ZHX3: variants seen among roughly 807,000 people sequenced by gnomAD.
ZHX3 encodes the protein zinc fingers and homeoboxes protein 3.
In ZHX3, 20 loss-of-function variants were observed where a neutral mutation model predicts 64.5. The observed-to-expected ratio is 0.31, with a 90% CI of 0.22 to 0.45. The LOEUF (loss-of-function observed/expected upper bound fraction) is 0.45, where lower values mean the gene tolerates loss of function less well. Among genes scored for constraint, ZHX3 ranks in the 20% least tolerant of loss-of-function variants. The probability of loss-of-function intolerance (pLI) is 1.00; values close to 1 mark genes in which losing one functional copy is unlikely to be tolerated. For missense variants in ZHX3, 1,041 were observed against 1,195.8 expected, an observed-to-expected ratio of 0.87 and a Z score of 1.91; for synonymous variants, 423 against 461.6, an observed-to-expected ratio of 0.92 and a Z score of 1.07.
chr20:41,262,542 C>CCTCT, intron 2 of ZHX3, among the ~76,000 whole-genome samples: 1 of 152,302 alleles, frequency 6.6e-6, no homozygotes, highest in East Asian at 1.9e-4. Flanking sequence ...AACACCACTC[C>CCTCT]CTCTCTCTTT....
intron 1 of ZHX3, among the ~76,000 whole-genome samples, chr20:41,312,579 A>G (rs561488712): frequency 6.6e-6 from 1 of 152,330 alleles, no homozygotes; most frequent in Non-Finnish European, 1.5e-5. Context: ...ATAAATGCAC[A>G]TGTGCTGAGA....
rs1246845658 is a variant in ZHX3 at position 41,195,830 on chromosome 20, T to C, written c.2860+6227A>G. Among the ~76,000 whole-genome samples the C allele has an allele frequency of 2.0e-5, 3 of 152,354 alleles. No individual in the cohort carries two copies. The highest frequency in any genetic ancestry group is 3.9e-4 in the East Asian group (2 of 5,180). On this transcript the variant is annotated intron_variant, in intron 3 of 3. Transcript: ENST00000683867. This position sits in a 1 kb window ranked among gnomAD's most constrained non-coding sequence, Gnocchi z 4.2. ...TTTTCATTTGTCTCAAGGTATTTTT[T>C]ACTTTCCCTTATGATTTCTTTGACC...
chr20:41,283,883 T>G (rs757467752), intron 1 of ZHX3, among the ~76,000 whole-genome samples: 1 of 152,172 alleles, frequency 6.6e-6, no homozygotes, highest in Non-Finnish European at 1.5e-5. Flanking sequence ...AATGGATAAT[T>G]ACTTTCAAAA....
chr20:41,305,895 C>T (rs1383475953), intron 1 of ZHX3, among the ~76,000 whole-genome samples: 1 of 152,112 alleles, frequency 6.6e-6, no homozygotes, highest in African/African-American at 2.4e-5. Context: ...TAATCTTCTA[C>T]TATTTACAAA....
At chr20:41,192,153 C>T (rs1443757370) in intron 3 of ZHX3, among the ~76,000 whole-genome samples, 1 of 152,114 alleles carries the variant, frequency 6.6e-6, no homozygotes, top group Non-Finnish European at 1.5e-5. Flanking sequence ...GGCTGGGCGG[C>T]CCATTCTGCA....
intron 1 of ZHX3, among the ~76,000 whole-genome samples, chr20:41,284,132 T>C (rs1186399444): frequency 1.3e-5 from 2 of 152,184 alleles, no homozygotes; most frequent in African/African-American, 4.8e-5. Flanking sequence ...AATGTTTCAA[T>C]TACCAAATAA....
At chr20:41,263,267 T>C (rs1042690634) in intron 2 of ZHX3, among the ~76,000 whole-genome samples, 1 of 152,104 alleles carries the variant, frequency 6.6e-6, no homozygotes, top group Non-Finnish European at 1.5e-5. Context: ...ACAAAATCAT[T>C]ACATAAGAAA....
chr20:41,252,126 T>G (rs2042023119), intron 2 of ZHX3, among the ~76,000 whole-genome samples: 1 of 152,116 alleles, frequency 6.6e-6, no homozygotes, highest in Non-Finnish European at 1.5e-5. Context: ...TACTGGTGAG[T>G]TGGCTGTCTA....
chr20:41,268,178 A>G (rs530991138), intron 2 of ZHX3, among the ~76,000 whole-genome samples: 1 of 152,318 alleles, frequency 6.6e-6, no homozygotes, highest in African/African-American at 2.4e-5. Context: ...GAAGTTGTAC[A>G]GAACTTCCAG....
intron 1 of ZHX3, among the ~76,000 whole-genome samples, chr20:41,280,883 T>C (rs186654193): frequency 4.9e-4 from 60 of 121,420 alleles, no homozygotes; most frequent in African/African-American, 1.7e-3. Flanking sequence ...TGTCTAACCC[T>C]TTTTTTTTTT....
chr20:41,204,831 G>A lies in ZHX3; in HGVS notation c.86C>T (p.Pro29Leu), dbSNP rs561541023. Residue 29 changes from proline (P) to leucine (L), a missense_variant, in exon 3 of 4, where the codon CCC (proline) becomes CTC (leucine). Around this residue, in one of 4 missense-constraint regions of ZHX3, gnomAD observed 358 missense variants for 369.1 expected, o/e 0.97. Transcript: ENST00000683867. The surrounding 1 kb of genome is among the most constrained non-coding windows in gnomAD (Gnocchi z 6.6). ...VLQDASMEAQ[P>L]AETLPEGPQQ... ...GGGTCCTTCAGGCAAGGTCTCAGCGGGCTGGGCCTCCATGCTGGCATCTTG... is the reference window on the plus strand; with the variant it reads ...GGGTCCTTCAGGCAAGGTCTCAGCGAGCTGGGCCTCCATGCTGGCATCTTG... 209 of 1,605,380 alleles carry A rather than the reference G, an allele frequency of 1.3e-4. No individual in the cohort carries two copies. In the South Asian group the frequency reaches 2.2e-3, roughly 17 times the overall value.
At position 41,204,170 on chromosome 20, in the gene ZHX3, G is replaced by A. The variant is rs201454849; in HGVS notation, c.747C>T (p.Asn249=). The A allele has an allele frequency of 1.2e-6, 2 of 1,609,008 alleles. No homozygotes were observed. Among genetic ancestry groups the A allele is most frequent in the Non-Finnish European group, 1.7e-6 (2 of 1,177,460 alleles). Residue 249 remains asparagine (N), a synonymous_variant, in exon 3 of 4, where the codon AAC becomes AAT. Transcript: ENST00000683867. This position sits in a 1 kb window ranked among gnomAD's most constrained non-coding sequence, Gnocchi z 6.6. ...VSQASASSAK[N]PHAANGPLIG... The stretch of plus-strand genomic sequence containing the variant: ...TCAGGGGCCCGTTGGCGGCATGGGG[G>A]TTTTTTGCAGAGCTGGCAGATGCCT...
In ZHX3 at chr20:41,184,592, G is replaced by A. The variant is rs2146095725; in HGVS notation, c.*599C>T. On this transcript the variant is annotated 3_prime_UTR_variant, in exon 4 of 4. Transcript: ENST00000683867. Reference sequence around the variant, plus strand: ...GCAAGCCTGACATGAAACGTAGCCGGTCATCACTTAATGCAGCAGAGATCT... The same window carrying A: ...GCAAGCCTGACATGAAACGTAGCCGATCATCACTTAATGCAGCAGAGATCT... 1 of 317,716 alleles carries A rather than the reference G, an allele frequency of 3.1e-6. No individual in the cohort carries two copies. The highest frequency in any genetic ancestry group is 5.8e-6 in the Non-Finnish European group (1 of 171,022). 19.7% of individuals were successfully genotyped at this position (317,716 alleles called of 1,614,324 possible).
chr20:41,191,622 T>TA (rs774760351), intron 3 of ZHX3, among the ~76,000 whole-genome samples: 3 of 152,250 alleles, frequency 2.0e-5, no homozygotes, highest in Non-Finnish European at 2.9e-5. Context: ...GTGTAACAGT[T>TA]GTTTCTTCTA....
rs1600835091 is a variant in ZHX3, at chr20:41,224,883, T to C, written c.-150-19817A>G. Among the ~76,000 whole-genome samples, 1 of 152,378 alleles carries C rather than the reference T, an allele frequency of 6.6e-6. No homozygotes were observed. Among genetic ancestry groups the C allele is most frequent in the South Asian group, 2.1e-4 (1 of 4,828 alleles). ...ATTATTCTCTATCACAGCATCCTAA[T>C]TGTTTCTTTCATAACATTTATCAAA... On this transcript the variant is annotated intron_variant, in intron 2 of 3. Coordinates refer to ENST00000683867, the MANE Select transcript of ZHX3 (RefSeq NM_001384317.1). The surrounding 1 kb of genome is among the most constrained non-coding windows in gnomAD (Gnocchi z 5.2).
chr20:41,272,130 A>T (rs2043175612), intron 1 of ZHX3: 1 of 152,238 alleles, frequency 6.6e-6, no homozygotes, highest in Admixed American at 6.5e-5. Context: ...CTCAAGGTAG[A>T]AGCTTTACCA....
chr20:41,195,253 C>A lies in ZHX3; in HGVS notation c.2860+6804G>T, dbSNP rs1012020166. Among the ~76,000 whole-genome samples, 1 of 152,032 alleles carries A rather than the reference C, an allele frequency of 6.6e-6. No individual in the cohort carries two copies. Among genetic ancestry groups the A allele is most frequent in the South Asian group, 2.1e-4 (1 of 4,820 alleles). On this transcript the variant is annotated intron_variant, in intron 3 of 3. Coordinates refer to ENST00000683867, the MANE Select transcript of ZHX3 (RefSeq NM_001384317.1). The surrounding 1 kb of genome is among the most constrained non-coding windows in gnomAD (Gnocchi z 4.2). ...ACCCCAGACACCTGAGTAGCTGGCACTACAGGAACATGCCACCACACCTGG... is the reference window on the plus strand; with the variant it reads ...ACCCCAGACACCTGAGTAGCTGGCAATACAGGAACATGCCACCACACCTGG...
intron 2 of ZHX3, among the ~76,000 whole-genome samples, chr20:41,259,139 G>C (rs2042427412): frequency 6.6e-6 from 1 of 152,146 alleles, no homozygotes; most frequent in Non-Finnish European, 1.5e-5. Context: ...AATGGAGTCA[G>C]ATACCATGAG....
intron 1 of ZHX3, among the ~76,000 whole-genome samples, chr20:41,305,559 C>T (rs971743366): frequency 2.6e-5 from 4 of 151,912 alleles, no homozygotes; most frequent in African/African-American, 4.8e-5. Flanking sequence ...CCGGGACGGG[C>T]GGATCACGAG....
Sources: allele counts gnomAD v4.1 joint callset (sites outside exome capture counted in the v4.1 genomes callset), GRCh38; gene constraint gnomAD v4.1.1; regional missense constraint gnomAD v4.1.1; non-coding constraint Gnocchi (gnomAD v3.1); transcripts MANE v1.5; gene names NCBI Gene and HGNC (gene_info 2026-07-23, HGNC 2026-07-21).